Variants in HLX observed in about 807,000 individuals in gnomAD.
The protein encoded by HLX is H2.0-like homeobox protein.
Under a neutral mutation model 27.7 loss-of-function variants are expected in HLX, and 6 were observed. The observed-to-expected ratio is 0.22, with a 90% CI of 0.12 to 0.43. HLX has a LOEUF of 0.43. Among genes scored for constraint, HLX ranks in the 20% least tolerant of loss-of-function variants. HLX has a pLI of 1.00. For missense variants in HLX, 666 were observed against 655.2 expected, an observed-to-expected ratio of 1.02 and a Z score of -0.18; for synonymous variants, 328 against 293.8, an observed-to-expected ratio of 1.12 and a Z score of -1.19.
Position 220,880,652 on chromosome 1 carries a change from A to T in HLX, c.592+203A>T, listed in dbSNP as rs1325668881. On this transcript the variant is annotated intron_variant, in intron 1 of 3. Coordinates refer to ENST00000366903, the MANE Select transcript of HLX (RefSeq NM_021958.4). ...TGTAAAACAAACAAAAAATGACTCC[A>T]GGGATTCTTTAAAAACACGTCTTAG... 8.1e-6 allele frequency: 5 copies of T among 614,466 alleles called. No individual in the cohort carries two copies. In the East Asian group the frequency reaches 1.4e-4, roughly 17 times the overall value. The allele number at this position is 614,466 out of a possible 1,614,324, so 38.1% of individuals were successfully genotyped here.
chr1:220,881,670 A>C, intron 2 of HLX: 2 of 485,604 alleles, frequency 4.1e-6, no homozygotes, highest in Non-Finnish European at 7.5e-6. Context: ...TGCAGCATCA[A>C]TGTTGCTTAT....
chr1:220,880,758 A>T, intron 1 of HLX: 1 of 459,640 alleles, frequency 2.2e-6, no homozygotes, highest in Non-Finnish European at 3.9e-6. Context: ...TAGAGACAGA[A>T]TTATATTTTC....
Position 220,881,203 on chromosome 1 carries a change from C to G in HLX, c.602C>G (p.Ser201Cys). ...TTTCCCTTGTCCCCAGATCTCACTT[C>G]CCTGCTAACCGGTGGGCGGCCCGCC... ...KEGNTLRDLT[S>C]LLTGGRPAGV... is the part of the protein sequence containing the mutation. Residue 201 changes from serine to cysteine, a missense_variant, in exon 2 of 4, where the codon TCC becomes TGC. Coordinates refer to ENST00000366903, the MANE Select transcript of HLX (RefSeq NM_021958.4). 3.1e-6 allele frequency: 5 copies of G among 1,613,956 alleles called. No individual in the cohort carries two copies. The highest frequency in any genetic ancestry group is 4.2e-6 in the Non-Finnish European group (5 of 1,179,806).
In HLX at chr1:220,884,374, C is replaced by A. The variant is rs1427820187; in HGVS notation, c.1137C>A (p.Ser379Arg). Residue 379 changes from serine to arginine, a missense_variant, in exon 4 of 4, where the codon AGC becomes AGA. By Grantham distance (110) the Ser-to-Arg change is moderately radical. Transcript: ENST00000366903. This position sits in a 1 kb window ranked among gnomAD's most constrained non-coding sequence, Gnocchi z 4.9. ...AAGGCGAGGCTGAGAGCGAGAGCAG[C>A]GACTCCGAGTCCCTGGACATGGCCC... ...RSEGEAESES[S>R]DSESLDMAPS... 4 of 1,613,908 alleles carry A rather than the reference C, an allele frequency of 2.5e-6. No homozygotes were observed. The highest frequency in any genetic ancestry group is 8.5e-7 in the Non-Finnish European group (1 of 1,180,010).
intron 2 of HLX, 33 bp downstream of exon 2, chr1:220,881,406 G>GCGAGCCGACTA (rs746475274): frequency 3.8e-6 from 6 of 1,574,828 alleles, no homozygotes; most frequent in Non-Finnish European, 5.2e-6. Flanking sequence ...TGCCTAACGG[G>GCGAGCCGACTA]CGAGCCGACT....
Position 220,880,042 on chromosome 1 carries a change from A to T in HLX, c.185A>T (p.Glu62Val). The T allele has an allele frequency of 6.3e-7, 1 of 1,590,048 alleles. No homozygotes were observed. The highest frequency in any genetic ancestry group is 8.5e-7 in the Non-Finnish European group (1 of 1,173,514). Residue 62 changes from glutamate (E) to valine (V), a missense_variant, in exon 1 of 4, where the codon GAG becomes GTG. Coordinates refer to ENST00000366903, the MANE Select transcript of HLX (RefSeq NM_021958.4). Reference sequence around the variant, plus strand: ...GTGGGGGATCTGGGGGCGGCCCCGGAGGGCCTGGCAGGGGCCTCGGCCGCC... The same window carrying T: ...GTGGGGGATCTGGGGGCGGCCCCGGTGGGCCTGGCAGGGGCCTCGGCCGCC... Reference protein sequence around the residue: ...AGVGDLGAAPEGLAGASAAAL... With the variant: ...AGVGDLGAAPVGLAGASAAAL...
Position 220,884,711 on chromosome 1 carries a change from C to A in HLX, c.*7C>A, listed in dbSNP as rs1243465857. 1 of 1,607,546 alleles carries A rather than the reference C, an allele frequency of 6.2e-7. No homozygotes were observed. ...CGCGCTTGGCTGCTTATAGACTGTA[C>A]TAGGGCGGAGGGGATCCGGGCCTTG... On this transcript the variant is annotated 3_prime_UTR_variant, in exon 4 of 4. Coordinates refer to ENST00000366903, the MANE Select transcript of HLX (RefSeq NM_021958.4). This position sits in a 1 kb window ranked among gnomAD's most constrained non-coding sequence, Gnocchi z 4.9.
rs773956210 is a variant in HLX at position 220,880,091 on chromosome 1, G to A, written c.234G>A (p.Ser78=). ...SAAALTAHLG[S]VHPHASFQAA... is the part of the protein sequence containing the mutation. ...CCGCCCTCACCGCGCACTTGGGCTC[G>A]GTTCACCCGCACGCCTCTTTCCAAG... Residue 78 remains serine, a synonymous_variant, in exon 1 of 4, where the codon TCG becomes TCA. Transcript: ENST00000366903. 3.8e-6 allele frequency: 6 copies of A among 1,596,088 alleles called. No homozygotes were observed. Among genetic ancestry groups the A allele is most frequent in the Admixed American group, 1.7e-5 (1 of 59,368 alleles).
In HLX at chr1:220,882,296, C is replaced by T; in HGVS notation, c.905C>T (p.Thr302Ile). ...EKRFEIQKYV[T>I]KPDRKQLAAM... Reference sequence around the variant, plus strand: ...AGGTTTGAGATTCAGAAGTACGTGACCAAGCCGGACCGAAAGCAGCTGGCG... The same window carrying T: ...AGGTTTGAGATTCAGAAGTACGTGATCAAGCCGGACCGAAAGCAGCTGGCG... Residue 302 changes from threonine to isoleucine, a missense_variant, in exon 3 of 4, where the codon ACC (threonine) becomes ATC (isoleucine). Thr to Ile is a moderately conservative substitution (Grantham distance 89). Coordinates refer to ENST00000366903, the MANE Select transcript of HLX (RefSeq NM_021958.4). 1 of 1,614,254 alleles carries T rather than the reference C, an allele frequency of 6.2e-7. No homozygotes were observed. The highest frequency in any genetic ancestry group is 8.5e-7 in the Non-Finnish European group (1 of 1,180,050).
rs12141189 is a variant in HLX at position 220,880,203 on chromosome 1, T to C, written c.346T>C (p.Ser116Pro). 385,847 of 1,612,368 alleles carry C rather than the reference T, an allele frequency of 0.24. 47,317 individuals are homozygous for C. The highest frequency in any genetic ancestry group is 0.3 in the Admixed American group (18,072 of 59,910). ...CTTCCCGCAGCGGCTGTCTCCGCTC[T>C]CAGCCGCCTACCACCACCATCACCC... ...AGFPQRLSPL[S>P]AAYHHHHPQQ... Residue 116 changes from serine to proline, a missense_variant, in exon 1 of 4, where the codon TCA (serine) becomes CCA (proline). Physicochemically the swap from Ser to Pro is moderately conservative, Grantham distance 74. Coordinates refer to ENST00000366903, the MANE Select transcript of HLX (RefSeq NM_021958.4).
chr1:220,883,146 C>T (rs1457128843), intron 3 of HLX: 1 of 151,338 alleles, frequency 6.6e-6, no homozygotes, highest in Non-Finnish European at 1.5e-5. Context: ...CACCCCATAG[C>T]ACTGGCTCTG....
At chr1:220,880,507 G>C (rs1431358067) in intron 1 of HLX, 58 bp downstream of exon 1, 1 of 1,587,804 alleles carries the variant, frequency 6.3e-7, no homozygotes, top group East Asian at 2.2e-5. Flanking sequence ...CCCGGACCCC[G>C]GGCTGGCTTG....
chr1:220,882,080 G>C, intron 2 of HLX, 84 bp from the exon 3 acceptor site: 1 of 1,304,268 alleles, frequency 7.7e-7, no homozygotes, highest in East Asian at 2.3e-5. Context: ...CAAGCCTTAC[G>C]GGGACCCCCA....
At chr1:220,880,542 T>C in intron 1 of HLX, 93 bp downstream of exon 1, 2 of 1,351,696 alleles carry the variant, frequency 1.5e-6, no homozygotes, top group South Asian at 2.3e-5. Context: ...GTTTTTACAA[T>C]TAAGGACAAA....
chr1:220,879,785 G>T lies in HLX; in HGVS notation c.-73G>T. On this transcript the variant is annotated 5_prime_UTR_variant, in exon 1 of 4. Coordinates refer to ENST00000366903, the MANE Select transcript of HLX (RefSeq NM_021958.4). ...GCTGCCGCCGCCTTCTCCGGGACTC[G>T]CGCGCCCCTCCCCGCGCGCCCACCC... 6.8e-7 allele frequency: 1 copy of T among 1,469,842 alleles called. No individual in the cohort carries two copies. Among genetic ancestry groups the T allele is most frequent in the Non-Finnish European group, 8.9e-7 (1 of 1,118,266 alleles). The allele number at this position is 1,469,842 out of a possible 1,614,324, so 91.0% of individuals were successfully genotyped here.
At chr1:220,883,974 C>A (rs1674512228) in intron 3 of HLX, 8 of 599,204 alleles carry the variant, frequency 1.3e-5, no homozygotes, top group Non-Finnish European at 2.4e-5. Context: ...TGAAAACGGT[C>A]TTAGTGGGTT....
At chr1:220,882,093 C>A (rs1194886011) in intron 2 of HLX, 71 bp from the exon 3 acceptor site, 5 of 1,436,204 alleles carry the variant, frequency 3.5e-6, no homozygotes, top group Non-Finnish European at 4.9e-6. Flanking sequence ...GACCCCCAGG[C>A]TGGCAGGTCA....
Position 220,880,081 on chromosome 1 carries a change from A to G in HLX, c.224A>G (p.His75Arg), listed in dbSNP as rs1370646531. The change falls in exon 1 of 4, where the codon CAC (histidine) becomes CGC (arginine). Residue 75 changes from histidine (H) to arginine (R), a missense_variant. Coordinates refer to ENST00000366903, the MANE Select transcript of HLX (RefSeq NM_021958.4). ...GCCTCGGCCGCCGCCCTCACCGCGC[A>G]CTTGGGCTCGGTTCACCCGCACGCC... ...AGASAAALTA[H>R]LGSVHPHASF... is the part of the protein sequence containing the mutation. 6.3e-7 allele frequency: 1 copy of G among 1,593,212 alleles called. No individual in the cohort carries two copies. Among genetic ancestry groups the G allele is most frequent in the East Asian group, 2.2e-5 (1 of 44,490 alleles).
intron 3 of HLX, 43 bp downstream of exon 3, chr1:220,882,391 C>T (rs781037076): frequency 6.3e-7 from 1 of 1,585,894 alleles, no homozygotes; most frequent in Non-Finnish European, 8.6e-7. Context: ...CTCGGGCGGG[C>T]AGCAGCGCAC....
Sources: gnomAD v4.1 joint callset for allele counts on GRCh38, gnomAD v4.1.1 for gene constraint, Gnocchi (gnomAD v3.1) non-coding constraint, MANE v1.5 for transcripts, NCBI Gene and HGNC (gene_info 2026-07-23, HGNC 2026-07-21) for gene names.